Variants in IFT46 observed in about 807,000 individuals in gnomAD.
IFT46 encodes the protein intraflagellar transport 46, also known as intraflagellar transport protein 46 homolog.
Under a neutral mutation model 39.6 loss-of-function variants are expected in IFT46, and 19 were observed. The ratio of observed to expected loss-of-function variants is 0.48; its 90% CI spans 0.33 to 0.70. The LOEUF (loss-of-function observed/expected upper bound fraction) is 0.70. Among genes scored for constraint, IFT46 ranks in the 30% least tolerant of loss-of-function variants. IFT46 has a pLI of 0.01. For synonymous variants in IFT46, 117 were observed against 134.8 expected (o/e 0.87, Z 0.91); for missense variants, 334 against 364.8 (o/e 0.92, Z 0.69).
intron 3 of IFT46, 191 bp from the exon 4 acceptor site, chr11:118,557,236 C>A: frequency 2.1e-6 from 1 of 481,308 alleles, no homozygotes; most frequent in Non-Finnish European, 3.6e-6. Flanking sequence ...GGGGACTCCA[C>A]TTTCTAGAAC....
rs552360617 is a variant in IFT46, at chr11:118,557,952, C to T, written c.46-907G>A. ...TTTTCAAAACTTGGTTTCTATATAC[C>T]GTATGGCTTATACTGAGGTTAACAC... On this transcript the variant is annotated intron_variant, in intron 3 of 11. Coordinates refer to ENST00000264021, the MANE Select transcript of IFT46 (RefSeq NM_001168618.2). 1.3e-5 allele frequency: 19 copies of T among 1,432,472 alleles called. No individual in the cohort carries two copies. The Admixed American group carries it at 1.6e-4, about 12-fold the overall frequency. 88.7% of individuals were successfully genotyped at this position (1,432,472 alleles called of 1,614,324 possible).
intron 9 of IFT46, among the ~76,000 whole-genome samples, chr11:118,547,744 C>CTTTTTTTTTT (rs1233612951): frequency 1.3e-3 from 114 of 91,122 alleles, no homozygotes; most frequent in Non-Finnish European, 1.8e-3. Flanking sequence ...CTTTTCTTTT[C>CTTTTTTTTTT]TTTTTTTTTT....
At position 118,554,469 on chromosome 11, in the gene IFT46, T is replaced by C; in HGVS notation, c.473A>G (p.His158Arg). The change falls in exon 7 of 12, where the codon CAC (histidine) becomes CGC (arginine). Residue 158 changes from histidine (H) to arginine (R), a missense_variant. His to Arg is a conservative substitution (Grantham distance 29, BLOSUM62 0). Coordinates refer to ENST00000264021, the MANE Select transcript of IFT46 (RefSeq NM_001168618.2). The part of the protein sequence containing the change: ...SLWLTENSKQ[H>R]NITQHMKVKS... Reference sequence around the variant, plus strand: ...AAGCTAGTATCTTACTGTGATGTTGTGCTGCTTAGAATTCTCTGTTAACCA... The same window carrying C: ...AAGCTAGTATCTTACTGTGATGTTGCGCTGCTTAGAATTCTCTGTTAACCA... 1 of 1,609,498 alleles carries C rather than the reference T, an allele frequency of 6.2e-7. No individual in the cohort carries two copies. The highest frequency in any genetic ancestry group is 2.2e-5 in the East Asian group (1 of 44,816).
chr11:118,572,089 C>CA (rs782363912), intron 1 of IFT46, among the ~76,000 whole-genome samples: 4,314 of 94,832 alleles, frequency 0.045, 212 homozygotes, highest in African/African-American at 0.14. Flanking sequence ...GACTCCATCT[C>CA]AAAAAAAAAA....
upstream of IFT46, among the ~76,000 whole-genome samples, chr11:118,576,817 T>G (rs192808416): frequency 9.8e-4 from 149 of 152,258 alleles, 2 homozygotes; most frequent in African/African-American, 3.3e-3. Flanking sequence ...TTTGCTTGTA[T>G]CTGGATAATG....
intron 4 of IFT46, among the ~76,000 whole-genome samples, chr11:118,556,107 C>T (rs1415610520): frequency 6.6e-6 from 1 of 152,182 alleles, no homozygotes; most frequent in Admixed American, 6.5e-5. Flanking sequence ...ATTGCAGTCT[C>T]AAACTCCTGA....
upstream of IFT46, among the ~76,000 whole-genome samples, chr11:118,567,278 A>G (rs1315677565): frequency 1.3e-5 from 2 of 151,888 alleles, no homozygotes; most frequent in Non-Finnish European, 2.9e-5. Flanking sequence ...AATGAATAAT[A>G]ACAATAATAA....
At position 118,547,749 on chromosome 11, in the gene IFT46, T is replaced by C. The variant is rs1424833042; in HGVS notation, c.673-1896A>G. Among the ~76,000 whole-genome samples the C allele has an allele frequency of 3.8e-4, 54 of 143,584 alleles. 1 individual carries two copies. Among genetic ancestry groups the C allele is most frequent in the African/African-American group, 1.1e-3 (43 of 39,200 alleles). The allele number at this position is 143,584 out of a possible 152,430, so 94.2% of individuals were successfully genotyped here. ...TTTTACTTTTCTTTTCTTTTCTTTTTTTTTTTTTTTTTTTTGAGACAGAGT... is the reference window on the plus strand; with the variant it reads ...TTTTACTTTTCTTTTCTTTTCTTTTCTTTTTTTTTTTTTTTGAGACAGAGT... On this transcript the variant is annotated intron_variant, in intron 9 of 11. Coordinates refer to ENST00000264021, the MANE Select transcript of IFT46 (RefSeq NM_001168618.2).
chr11:118,564,657 T>C (rs1938167271), intron 2 of IFT46, among the ~76,000 whole-genome samples: 1 of 151,822 alleles, frequency 6.6e-6, no homozygotes, highest in South Asian at 2.1e-4. Flanking sequence ...TTATGAAGCA[T>C]CTTCAAAGCT....
At chr11:118,559,737 A>G (rs1937969128) in intron 3 of IFT46, 48 bp downstream of exon 3, 2 of 1,516,032 alleles carry the variant, frequency 1.3e-6, no homozygotes, top group African/African-American at 2.7e-5. Flanking sequence ...TCTAACTACT[A>G]AAAACCCAAA....
intron 9 of IFT46, among the ~76,000 whole-genome samples, chr11:118,547,666 C>A (rs1242279955): frequency 6.6e-6 from 1 of 152,116 alleles, no homozygotes; most frequent in Non-Finnish European, 1.5e-5. Flanking sequence ...AGGTGATCCA[C>A]CTGCCTCAGC....
At chr11:118,555,522 G>A in intron 4 of IFT46, 200 bp from the exon 5 acceptor site, 1 of 495,072 alleles carries the variant, frequency 2.0e-6, no homozygotes, top group Non-Finnish European at 3.6e-6. Flanking sequence ...TGACTCTGAA[G>A]GACAGAGGTG....
intron 4 of IFT46, among the ~76,000 whole-genome samples, chr11:118,556,492 C>CAAA (rs1232653909): frequency 2.7e-5 from 4 of 148,302 alleles, no homozygotes; most frequent in African/African-American, 9.9e-5. Flanking sequence ...GACTCTGTCT[C>CAAA]AAAAAAAAAA....
At chr11:118,572,751 G>A (rs1938377823) in exon 1 of IFT46, 2 of 534,482 alleles carry the variant, frequency 3.7e-6, no homozygotes, top group Non-Finnish European at 6.5e-6. Context: ...TCCATCTGTC[G>A]TCGTGCCCGC....
chr11:118,558,124 T>G (rs1328944821), intron 3 of IFT46, among the ~76,000 whole-genome samples: 1 of 151,002 alleles, frequency 6.6e-6, no homozygotes, highest in African/African-American at 2.4e-5. Context: ...ATAAAGTATA[T>G]TCTAACTAAG....
In IFT46 at chr11:118,557,021, T is replaced by A. The variant is rs1937861748; in HGVS notation, c.70A>T (p.Thr24Ser). The A allele has an allele frequency of 1.2e-6, 2 of 1,609,432 alleles. No homozygotes were observed. The highest frequency in any genetic ancestry group is 1.3e-5 in the African/African-American group (1 of 74,744). ...TTTTCACTAAAGCCCCGTTGAGGTG[T>A]CAACTGTGAGGTCTTCTTCTTCTCC... ...NKEKKKTSQLTPQRGFSENED... is the reference protein window; with the variant it reads ...NKEKKKTSQLSPQRGFSENED... The change falls in exon 4 of 12, where the codon ACA becomes TCA. Residue 24 changes from threonine (T) to serine (S), a missense_variant. Coordinates refer to ENST00000264021, the MANE Select transcript of IFT46 (RefSeq NM_001168618.2).
chr11:118,554,785 A>G (rs917895126), intron 6 of IFT46, among the ~76,000 whole-genome samples, 198 bp from the exon 7 acceptor site: 2 of 152,246 alleles, frequency 1.3e-5, no homozygotes, highest in Non-Finnish European at 2.9e-5. Flanking sequence ...AAGCAAATAC[A>G]TGACAAACTG....
At chr11:118,552,405 A>G in intron 7 of IFT46, 70 bp from the exon 8 acceptor site, 1 of 1,561,696 alleles carries the variant, frequency 6.4e-7, no homozygotes, top group South Asian at 1.2e-5. Flanking sequence ...GTGTCTCATT[A>G]TATCTGCTGC....
At position 118,556,980 on chromosome 11, in the gene IFT46, ATCATCG is replaced by A; in HGVS notation, c.105_110del (p.Asp40_Asp41del). 1 of 1,612,930 alleles carries A rather than the reference ATCATCG, an allele frequency of 6.2e-7. No individual in the cohort carries two copies. Among genetic ancestry groups the A allele is most frequent in the Non-Finnish European group, 8.5e-7 (1 of 1,179,242 alleles). ...CAGTTTCAGATGAATCATCATCATC[ATCATCG>A]TCATCCTCATTTTCACTAAAGCCCC... On this transcript the variant is annotated inframe_deletion, in exon 4 of 12. Transcript: ENST00000264021.
Sources: gnomAD v4.1 joint callset for allele counts (sites outside exome capture counted in the v4.1 genomes callset) on GRCh38, gnomAD v4.1.1 for gene constraint, MANE v1.5 for transcripts, NCBI Gene and HGNC (gene_info 2026-07-23, HGNC 2026-07-21) for gene names.